The following CNTRL variants were observed in gnomAD, a reference collection of about 807,000 sequenced individuals.
CNTRL encodes 110 kDa centrosomal protein.
CNTRL carries 233 observed loss-of-function variants against 303.7 expected under a neutral mutation model. The ratio of observed to expected loss-of-function variants is 0.77; its 90% confidence interval spans 0.69 to 0.86. The LOEUF is 0.86. Among genes scored for constraint, CNTRL ranks in the 40% least tolerant of loss-of-function variants. CNTRL has a pLI of 0.00. For missense variants in CNTRL, 2,524 were observed against 2,650.6 expected (o/e 0.95, Z 1.05); for synonymous variants, 900 against 922.2 (o/e 0.98, Z 0.44).
chr9:121,134,463 T>G (rs529615968), intron 14 of CNTRL, among the ~76,000 whole-genome samples: 25 of 152,114 alleles, frequency 1.6e-4, no homozygotes, highest in Admixed American at 3.9e-4. Context: ...GCTAATTTTT[T>G]TGTGTGTGTG....
At chr9:121,141,316 C>A in intron 17 of CNTRL, 65 bp from the exon 18 acceptor site, 3 of 1,255,458 alleles carry the variant, frequency 2.4e-6, no homozygotes, top group Non-Finnish European at 3.5e-6. Flanking sequence ...AAGTTAATAG[C>A]ATGTTTGCAG....
Position 121,177,178 on chromosome 9 carries a change from G to C in CNTRL, c.6970G>C (p.Ala2324Pro), listed in dbSNP as rs140723319. The C allele has an allele frequency of 6.2e-7, 1 of 1,610,644 alleles. No individual in the cohort carries two copies. The highest frequency in any genetic ancestry group is 8.5e-7 in the Non-Finnish European group (1 of 1,177,648). Residue 2324 changes from alanine to proline, a missense_variant, in exon 44 of 44, where the codon GCC (alanine) becomes CCC (proline). Coordinates refer to ENST00000373855, the MANE Select transcript of CNTRL (RefSeq NM_007018.6). ...CTTACTGTAGGAAAAGAATGCCTCAGCCAGATGAGGAATACTGTCTTGTGT... is the reference window on the plus strand; with the variant it reads ...CTTACTGTAGGAAAAGAATGCCTCACCCAGATGAGGAATACTGTCTTGTGT... Reference protein sequence around the residue: ...LGQNQEKNASAR With the variant: ...LGQNQEKNASPR
chr9:121,097,915 A>G (rs2048960896), intron 6 of CNTRL, among the ~76,000 whole-genome samples: 1 of 152,192 alleles, frequency 6.6e-6, no homozygotes, highest in Non-Finnish European at 1.5e-5. Flanking sequence ...TTGAGAATAA[A>G]CTATCTGAAT....
At chr9:121,159,329 C>T (rs2052741308) in intron 31 of CNTRL, among the ~76,000 whole-genome samples, 1 of 152,062 alleles carries the variant, frequency 6.6e-6, no homozygotes, top group Non-Finnish European at 1.5e-5. Context: ...CAGCTTCATG[C>T]CACCTCCTCT....
rs753100222 is a variant in CNTRL, at chr9:121,152,462, A to AT, written c.3964-16dup. On this transcript the variant is annotated intron_variant, in intron 25 of 43. Coordinates refer to ENST00000373855, the MANE Select transcript of CNTRL (RefSeq NM_007018.6). ...ACATCCTGTGATGTTTCAGCACTGC[A>AT]TTTTTTTCCCCATCTCATTCAGGAG... 4 of 1,589,292 alleles carry AT rather than the reference A, an allele frequency of 2.5e-6. No homozygotes were observed. The South Asian group carries it at 3.3e-5, about 13-fold the overall frequency.
At chr9:121,133,356 G>T (rs577094793) in intron 14 of CNTRL, among the ~76,000 whole-genome samples, 1 of 152,228 alleles carries the variant, frequency 6.6e-6, no homozygotes, top group African/African-American at 2.4e-5. Flanking sequence ...AATGGTGAAC[G>T]CCCCTCCCCC....
intron 7 of CNTRL, among the ~76,000 whole-genome samples, chr9:121,106,017 C>CA (rs1193078986): frequency 6.6e-6 from 1 of 151,820 alleles, no homozygotes; most frequent in East Asian, 1.9e-4. Context: ...AGCCAGAAAA[C>CA]AAAAAAACAA....
intron 15 of CNTRL, among the ~76,000 whole-genome samples, chr9:121,136,277 C>T (rs1188621458): frequency 1.3e-5 from 2 of 152,012 alleles, no homozygotes; most frequent in Admixed American, 6.6e-5. Context: ...AGTTGATACT[C>T]AATAAATGCT....
chr9:121,083,057 G>A (rs1415623226), intron 2 of CNTRL, among the ~76,000 whole-genome samples: 1 of 151,912 alleles, frequency 6.6e-6, no homozygotes, highest in Non-Finnish European at 1.5e-5. Context: ...CTTACCAGAT[G>A]AATGGAGCTT....
intron 34 of CNTRL, 167 bp downstream of exon 34, chr9:121,162,438 T>A (rs1486582240): frequency 3.0e-6 from 1 of 332,616 alleles, no homozygotes; most frequent in Non-Finnish European, 5.4e-6. Context: ...CCTTCTAGCT[T>A]TTTTTTTTTT....
intron 32 of CNTRL, chr9:121,161,636 C>T (rs2052858889): frequency 4.2e-6 from 2 of 481,140 alleles, no homozygotes; most frequent in African/African-American, 2.0e-5. Context: ...GTGCGTGCTG[C>T]TGCACCTGGC....
intron 25 of CNTRL, among the ~76,000 whole-genome samples, chr9:121,151,345 T>A (rs1367401422): frequency 6.6e-6 from 1 of 151,440 alleles, no homozygotes; most frequent in African/African-American, 2.4e-5. Flanking sequence ...GAAATAATTA[T>A]TTCCTAATTA....
intron 1 of CNTRL, among the ~76,000 whole-genome samples, chr9:121,078,664 A>G (rs1267033594): frequency 5.3e-5 from 8 of 152,172 alleles, no homozygotes; most frequent in Non-Finnish European, 1.2e-4. Context: ...TGTAAGCCTC[A>G]GTTTTACCTG....
rs181642889 is a variant in CNTRL, at chr9:121,110,691, C to T, written c.1003-1768C>T. Among the ~76,000 whole-genome samples the T allele has an allele frequency of 2.9e-4, 44 of 151,174 alleles. No individual in the cohort carries two copies. In the East Asian group the frequency reaches 5.8e-3, roughly 20 times the overall value. On this transcript the variant is annotated intron_variant, in intron 8 of 43. Coordinates refer to ENST00000373855, the MANE Select transcript of CNTRL (RefSeq NM_007018.6). The stretch of plus-strand genomic sequence containing the variant: ...TCTTCTTGGGAAATGTGGTTGTGTG[C>T]GTATGTATTATTTTTTTTTAATGGA...
chr9:121,100,660 G>T (rs1432609456), intron 7 of CNTRL, among the ~76,000 whole-genome samples: 1 of 152,180 alleles, frequency 6.6e-6, no homozygotes, highest in Non-Finnish European at 1.5e-5. Flanking sequence ...GTATTCAGGA[G>T]ACCCATCTCA....
At chr9:121,091,884 CTTTTT>C (rs148922615) in intron 4 of CNTRL, among the ~76,000 whole-genome samples, 1 of 74,968 alleles carries the variant, frequency 1.3e-5, no homozygotes, top group African/African-American at 5.2e-5. Context: ...GAGGTCTTCT[CTTTTT>C]TTTTTTTTTT....
intron 18 of CNTRL, 106 bp from the exon 19 acceptor site, chr9:121,141,985 A>T: frequency 2.3e-6 from 2 of 879,160 alleles, no homozygotes; most frequent in Non-Finnish European, 3.4e-6. Context: ...GTAAAAAATT[A>T]AGTTACAGCC....
chr9:121,164,878 C>G, intron 34 of CNTRL, 65 bp from the exon 35 acceptor site: 2 of 1,276,196 alleles, frequency 1.6e-6, no homozygotes, highest in Non-Finnish European at 2.2e-6. Flanking sequence ...AAGGATAACA[C>G]TGTTCCTCAG....
At chr9:121,118,613 C>A in intron 12 of CNTRL, 73 bp downstream of exon 12, 1 of 1,247,084 alleles carries the variant, frequency 8.0e-7, no homozygotes, top group Non-Finnish European at 1.1e-6. Context: ...CATCAGAGTC[C>A]AGAGTCCTTT....
Sources: allele counts gnomAD v4.1 joint callset (sites outside exome capture counted in the v4.1 genomes callset), GRCh38; gene constraint gnomAD v4.1.1; transcripts MANE v1.5; gene names NCBI Gene and HGNC (gene_info 2026-07-23, HGNC 2026-07-21).